Variants in SPIRE1 observed in about 807,000 individuals in gnomAD.
SPIRE1 encodes protein spire homolog 1.
Under a neutral mutation model 94.1 loss-of-function variants are expected in SPIRE1, and 40 were observed. That is an observed-to-expected ratio of 0.43 (90% CI 0.33 to 0.55). The LOEUF (loss-of-function observed/expected upper bound fraction) is 0.55. Ranked by LOEUF, SPIRE1 falls within the 20% of genes least tolerant of loss-of-function variation. The probability of loss-of-function intolerance (pLI) is 0.06; values close to 1 mark genes in which losing one functional copy is unlikely to be tolerated. For synonymous variants in SPIRE1, 376 were observed against 371.7 expected (o/e 1.01, Z -0.13); for missense variants, 838 against 975.2 (o/e 0.86, Z 1.87).
At chr18:12,510,095 A>AAC (rs1555617710) in intron 5 of SPIRE1, among the ~76,000 whole-genome samples, 2 of 151,804 alleles carry the variant, frequency 1.3e-5, no homozygotes, top group East Asian at 3.9e-4. Flanking sequence ...AAAAAAAAAA[A>AAC]AAAACTAAAA....
chr18:12,489,342 G>A (rs938493121), intron 8 of SPIRE1, among the ~76,000 whole-genome samples: 8 of 152,124 alleles, frequency 5.3e-5, no homozygotes, highest in African/African-American at 1.7e-4. Context: ...AGCAAATAAA[G>A]TATTACATAT....
chr18:12,597,917 A>G (rs2036723403), intron 2 of SPIRE1, among the ~76,000 whole-genome samples: 1 of 152,182 alleles, frequency 6.6e-6, no homozygotes, highest in African/African-American at 2.4e-5. Context: ...GTCTAGATGT[A>G]AGACTGAGGA....
chr18:12,580,512 C>T lies in SPIRE1; in HGVS notation c.373-33608G>A, dbSNP rs375381604. ...CTAATTTTTGCATTTTCAGTAGAGA[C>T]GGGGTTTCACCATGTTGGCCAGGCT... is the stretch of plus-strand genomic sequence containing the variant. On this transcript the variant is annotated intron_variant, in intron 2 of 16. Transcript: ENST00000409402. Among the ~76,000 whole-genome samples, 38 of 152,064 alleles carry T rather than the reference C, an allele frequency of 2.5e-4. No individual in the cohort carries two copies. In the East Asian group the frequency reaches 5.2e-3, roughly 21 times the overall value.
intron 7 of SPIRE1, among the ~76,000 whole-genome samples, chr18:12,494,551 C>A (rs762549396): frequency 6.6e-6 from 1 of 151,868 alleles, no homozygotes; most frequent in South Asian, 2.1e-4. Context: ...AAACCTCGGC[C>A]GGGCACGGTG....
At chr18:12,476,209 T>C (rs2032566402) in intron 10 of SPIRE1, among the ~76,000 whole-genome samples, 1 of 152,170 alleles carries the variant, frequency 6.6e-6, no homozygotes, top group South Asian at 2.1e-4. Context: ...GACTTTGGTT[T>C]ATCTGTGTTT....
chr18:12,648,625 C>G (rs932070051), intron 1 of SPIRE1, among the ~76,000 whole-genome samples: 2 of 152,130 alleles, frequency 1.3e-5, no homozygotes, highest in Non-Finnish European at 2.9e-5. Flanking sequence ...CACAGTGGCT[C>G]ACGCCTGTAA....
chr18:12,575,385 A>C (rs964766577), intron 2 of SPIRE1, among the ~76,000 whole-genome samples: 2 of 152,006 alleles, frequency 1.3e-5, no homozygotes, highest in Non-Finnish European at 2.9e-5. Context: ...ATTTATTTAG[A>C]CACAGGATCT....
chr18:12,535,854 C>T (rs2034826513), intron 3 of SPIRE1, among the ~76,000 whole-genome samples: 1 of 152,130 alleles, frequency 6.6e-6, no homozygotes, highest in African/African-American at 2.4e-5. Context: ...ACTCAGGAAG[C>T]TGAGGCAGGA....
intron 2 of SPIRE1, among the ~76,000 whole-genome samples, chr18:12,602,335 T>G (rs2036858692): frequency 6.6e-6 from 1 of 152,164 alleles, no homozygotes; most frequent in South Asian, 2.1e-4. Context: ...TTGAGCCTTT[T>G]GGCACAAGAA....
At chr18:12,454,890 G>C (rs1210308759) in intron 12 of SPIRE1, among the ~76,000 whole-genome samples, 1 of 151,454 alleles carries the variant, frequency 6.6e-6, no homozygotes, top group Non-Finnish European at 1.5e-5. Context: ...ACTTAGTGTT[G>C]TGTTGTACAT....
intron 9 of SPIRE1, among the ~76,000 whole-genome samples, chr18:12,482,692 C>T (rs545253695): frequency 6.6e-6 from 1 of 152,244 alleles, no homozygotes; most frequent in South Asian, 2.1e-4. Flanking sequence ...AGTTTATTCT[C>T]AATGCAGGGG....
chr18:12,522,991 A>G (rs1483921821), intron 4 of SPIRE1, among the ~76,000 whole-genome samples: 3 of 152,314 alleles, frequency 2.0e-5, no homozygotes, highest in Non-Finnish European at 4.4e-5. Flanking sequence ...TTGTAAGGCT[A>G]TAACTGTCAT....
At chr18:12,532,398 A>T (rs1473143238) in intron 4 of SPIRE1, among the ~76,000 whole-genome samples, 2 of 152,246 alleles carry the variant, frequency 1.3e-5, no homozygotes, top group Admixed American at 6.5e-5. Flanking sequence ...TGGACTATCA[A>T]ATCAGACACA....
chr18:12,646,485 T>G (rs950616653), intron 1 of SPIRE1, among the ~76,000 whole-genome samples: 1 of 152,134 alleles, frequency 6.6e-6, no homozygotes, highest in African/African-American at 2.4e-5. Flanking sequence ...AATGAATACA[T>G]GAAATCAGGT....
chr18:12,580,372 G>A (rs1167630036), intron 2 of SPIRE1, among the ~76,000 whole-genome samples: 2 of 151,832 alleles, frequency 1.3e-5, no homozygotes, highest in African/African-American at 4.8e-5. Context: ...CACCCAGGCT[G>A]GAGTGCAGTG....
chr18:12,512,335 T>G, intron 5 of SPIRE1, 119 bp downstream of exon 5: 15 of 660,140 alleles, frequency 2.3e-5, no homozygotes, highest in Non-Finnish European at 3.6e-5. Context: ...TGCAGTGAGC[T>G]GAGATCGCAC....
chr18:12,581,425 C>CT (rs2036253421), intron 2 of SPIRE1, among the ~76,000 whole-genome samples: 1 of 151,212 alleles, frequency 6.6e-6, no homozygotes, highest in African/African-American at 2.4e-5. Context: ...AACCAAGGCA[C>CT]TAAAAGGTTA....
At chr18:12,571,880 CAG>C (rs1227838386) in intron 2 of SPIRE1, among the ~76,000 whole-genome samples, 1 of 152,104 alleles carries the variant, frequency 6.6e-6, no homozygotes, top group African/African-American at 2.4e-5. Context: ...TTGGGGAAAA[CAG>C]ATAATAAACT....
intron 2 of SPIRE1, among the ~76,000 whole-genome samples, chr18:12,618,264 G>A (rs1000987241): frequency 2.0e-5 from 3 of 151,950 alleles, no homozygotes; most frequent in Admixed American, 6.6e-5. Flanking sequence ...ACTATGCCCG[G>A]CTAATTTTTG....
Sources: gnomAD v4.1 joint callset for allele counts (sites outside exome capture counted in the v4.1 genomes callset) on GRCh38, gnomAD v4.1.1 for gene constraint, MANE v1.5 for transcripts, NCBI Gene and HGNC (gene_info 2026-07-23, HGNC 2026-07-21) for gene names.